Variants in CHIT1 observed in about 807,000 individuals in gnomAD.
CHIT1 encodes chitinase 1.
In CHIT1, 47 loss-of-function variants were observed where a neutral mutation model predicts 52.0. The ratio of observed to expected loss-of-function variants is 0.90; its 90% CI spans 0.71 to 1.15. The LOEUF (loss-of-function observed/expected upper bound fraction) is 1.15, where lower values mean the gene tolerates loss of function less well. CHIT1 is among the 50% of genes most tolerant of loss of function. The pLI, the probability that CHIT1 is intolerant of heterozygous loss-of-function variation, is 0.00. For missense variants in CHIT1, 569 were observed against 583.0 expected (o/e 0.98, Z 0.25); for synonymous variants, 242 against 228.2 (o/e 1.06, Z -0.54).
rs140728916 is a variant in CHIT1 at position 203,216,609 on chromosome 1, C to A, written c.*280G>T. ...CACCTTCCCACCTGGCTCTGACCTG[C>A]GGATGTTTTGGAGTCAACAGTGTGC... is the stretch of plus-strand genomic sequence containing the variant. On this transcript the variant is annotated 3_prime_UTR_variant, in exon 11 of 11. Coordinates refer to ENST00000367229, the MANE Select transcript of CHIT1 (RefSeq NM_003465.3). 65 of 521,614 alleles carry A rather than the reference C, an allele frequency of 1.2e-4. 1 individual carries two copies. The highest frequency in any genetic ancestry group is 2.1e-4 in the Non-Finnish European group (57 of 271,666). The allele number at this position is 521,614 out of a possible 1,614,324, so 32.3% of individuals were successfully genotyped here.
Position 203,219,533 on chromosome 1 carries a change from G to A in CHIT1, c.915+131C>T, listed in dbSNP as rs894555289. 4.3e-6 allele frequency: 5 copies of A among 1,172,188 alleles called. No individual in the cohort carries two copies. In the African/African-American group the frequency reaches 6.0e-5, roughly 14 times the overall value. The allele number at this position is 1,172,188 out of a possible 1,614,324, so 72.6% of individuals were successfully genotyped here. On this transcript the variant is annotated intron_variant, in intron 8 of 10. Transcript: ENST00000367229. ...GATAAATTCAAGATGGCATGGATGAGATGGAATTTACATGGCCAGAATTCT... is the reference window on the plus strand; with the variant it reads ...GATAAATTCAAGATGGCATGGATGAAATGGAATTTACATGGCCAGAATTCT...
Position 203,223,581 on chromosome 1 carries a change from A to G in CHIT1, c.394T>C (p.Phe132Leu). The change falls in exon 5 of 11, where the codon TTT becomes CTT. Residue 132 changes from phenylalanine (F) to leucine (L), a missense_variant. Phe to Leu is a conservative substitution (Grantham distance 22, BLOSUM62 0). Coordinates refer to ENST00000367229, the MANE Select transcript of CHIT1 (RefSeq NM_003465.3). ...SAIRFLRKYS[F>L]DGLDLDWEYP... ...TCCCAGTCAAGGTCAAGGCCGTCAAAGCTGTATTTGCGCAGAAACCTGATG... is the reference window on the plus strand; with the variant it reads ...TCCCAGTCAAGGTCAAGGCCGTCAAGGCTGTATTTGCGCAGAAACCTGATG... The G allele has an allele frequency of 1.2e-6, 2 of 1,614,208 alleles. No homozygotes were observed. Among genetic ancestry groups the G allele is most frequent in the Non-Finnish European group, 1.7e-6 (2 of 1,180,024 alleles).
chr1:203,221,007 C>T (rs1274850189), intron 7 of CHIT1, among the ~76,000 whole-genome samples: 1 of 152,220 alleles, frequency 6.6e-6, no homozygotes, highest in Non-Finnish European at 1.5e-5. Flanking sequence ...TGTGTCTCCC[C>T]ACCAGCACAG....
intron 2 of CHIT1, among the ~76,000 whole-genome samples, chr1:203,226,430 T>A (rs1457564976): frequency 2.6e-5 from 4 of 152,206 alleles, no homozygotes; most frequent in African/African-American, 9.7e-5. Context: ...GGCAGAACTT[T>A]CAAAAACGGT....
In CHIT1 at chr1:203,223,660, C is replaced by A. The variant is rs770734733; in HGVS notation, c.315G>T (p.Lys105Asn). ...TGGCCGTGGCTACCATATCTGTGAA[C>A]CTGTGAGGTGATGAAGGGGAGTAAG... is the stretch of plus-strand genomic sequence containing the variant. ...AIGGWNFGTQKFTDMVATANN... is the reference protein window; with the variant it reads ...AIGGWNFGTQNFTDMVATANN... Residue 105 changes from lysine to asparagine, a missense_variant and splice_region_variant, in exon 5 of 11, where the codon AAG becomes AAT. Lys to Asn is a moderately conservative substitution (Grantham distance 94). Coordinates refer to ENST00000367229, the MANE Select transcript of CHIT1 (RefSeq NM_003465.3). The A allele has an allele frequency of 3.1e-6, 5 of 1,614,168 alleles. No individual in the cohort carries two copies. The South Asian group carries it at 3.3e-5, about 11-fold the overall frequency.
At position 203,219,266 on chromosome 1, in the gene CHIT1, G is replaced by A. The variant is rs746089762; in HGVS notation, c.979C>T (p.Arg327Trp). The A allele has an allele frequency of 8.7e-6, 14 of 1,603,372 alleles. No individual in the cohort carries two copies. Among genetic ancestry groups the A allele is most frequent in the South Asian group, 2.2e-5 (2 of 90,846 alleles). Residue 327 changes from arginine to tryptophan, a missense_variant, in exon 9 of 11, where the codon CGG becomes TGG. By Grantham distance (101) the Arg-to-Trp change is moderately radical. Coordinates refer to ENST00000367229, the MANE Select transcript of CHIT1 (RefSeq NM_003465.3). ...IQDQKVPYIF[R>W]DNQWVGFDDV... is the part of the protein sequence containing the mutation. Reference sequence around the variant, plus strand: ...TCAAAGCCCACCCACTGGTTGTCCCGGAAGATGTAGGGCACCTTCTGATCC... The same window carrying A: ...TCAAAGCCCACCCACTGGTTGTCCCAGAAGATGTAGGGCACCTTCTGATCC...
Position 203,229,630 on chromosome 1 carries a change from G to A in CHIT1, c.7C>T (p.Arg3Trp), listed in dbSNP as rs199867760. MV[R>W]SVAWAGFMVL... Reference sequence around the variant, plus strand: ...GGCTCACCTGCCCAGGCCACAGACCGCACCATGATGCAGCTCAGCGGCAGG... The same window carrying A: ...GGCTCACCTGCCCAGGCCACAGACCACACCATGATGCAGCTCAGCGGCAGG... The change falls in exon 1 of 11, where the codon CGG becomes TGG. Residue 3 changes from arginine (R) to tryptophan (W), a missense_variant. Arg to Trp is a moderately radical substitution (Grantham distance 101). Transcript: ENST00000367229. 3.2e-5 allele frequency: 51 copies of A among 1,613,880 alleles called. No homozygotes were observed. The highest frequency in any genetic ancestry group is 9.3e-5 in the African/African-American group (7 of 74,880).
rs78739067 is a variant in CHIT1, at chr1:203,216,804, C to T, written c.*85G>A. The T allele has an allele frequency of 1.5e-3, 2,301 of 1,576,016 alleles. 31 individuals are homozygous for T. In the East Asian group the frequency reaches 0.027, roughly 19 times the overall value. On this transcript the variant is annotated 3_prime_UTR_variant, in exon 11 of 11. Coordinates refer to ENST00000367229, the MANE Select transcript of CHIT1 (RefSeq NM_003465.3). ...AGAAAGGCCTGCAGGAGCCAGATTG[C>T]GGCCCCCAGGGAAAACCCAGGAGGC...
rs1017588576 is a variant in CHIT1 at position 203,219,591 on chromosome 1, G to A, written c.915+73C>T. On this transcript the variant is annotated intron_variant, in intron 8 of 10. Coordinates refer to ENST00000367229, the MANE Select transcript of CHIT1 (RefSeq NM_003465.3). ...TGGCATCCTTACTCAGAAACGGTGG[G>A]AGAAGGAAACCTCTGTTCTCTCAGG... is the stretch of plus-strand genomic sequence containing the variant. 64 of 1,545,652 alleles carry A rather than the reference G, an allele frequency of 4.1e-5. No individual in the cohort carries two copies. The Admixed American group carries it at 8.5e-4, about 21-fold the overall frequency.
chr1:203,223,592 C>T lies in CHIT1; in HGVS notation c.383G>A (p.Arg128His), dbSNP rs772756608. The change falls in exon 5 of 11, where the codon CGC becomes CAC. Residue 128 changes from arginine (R) to histidine (H), a missense_variant. Physicochemically the swap from Arg to His is conservative, Grantham distance 29. Transcript: ENST00000367229. The stretch of plus-strand genomic sequence containing the variant: ...GTCAAGGCCGTCAAAGCTGTATTTG[C>T]GCAGAAACCTGATGGCCGAGTTGAC... ...TFVNSAIRFL[R>H]KYSFDGLDLD... The T allele has an allele frequency of 3.8e-5, 62 of 1,614,184 alleles. 1 individual carries two copies. The highest frequency in any genetic ancestry group is 2.7e-4 in the East Asian group (12 of 44,886).
intron 2 of CHIT1, 59 bp from the exon 3 acceptor site, chr1:203,225,929 C>A (rs962762710): frequency 1.3e-6 from 2 of 1,569,296 alleles, no homozygotes; most frequent in South Asian, 2.3e-5. Context: ...GGGGACTGGT[C>A]ACCCTCCATC....
Position 203,219,861 on chromosome 1 carries a change from G to T in CHIT1, c.730-12C>A. On this transcript the variant is annotated splice_polypyrimidine_tract_variant and intron_variant, in intron 7 of 10. Transcript: ENST00000367229. The stretch of plus-strand genomic sequence containing the variant: ...TGCACAGCAGCATCCTGGTGGAAGA[G>T]GGCAGGGTTAATTTTCTCAGCCCTC... 1 of 1,611,826 alleles carries T rather than the reference G, an allele frequency of 6.2e-7. No homozygotes were observed. Among genetic ancestry groups the T allele is most frequent in the Non-Finnish European group, 8.5e-7 (1 of 1,179,796 alleles).
At chr1:203,229,766 G>GGC, upstream of CHIT1, 5 of 1,014,064 alleles carry the variant, frequency 4.9e-6, no homozygotes, top group Non-Finnish European at 6.1e-6. Context: ...GGGGGGATGG[G>GGC]AGCAGGGTGG....
intron 6 of CHIT1, 135 bp downstream of exon 6, chr1:203,223,000 T>G: frequency 8.2e-7 from 1 of 1,219,958 alleles, no homozygotes; most frequent in Non-Finnish European, 1.2e-6. Flanking sequence ...TTTTCTGCTT[T>G]TGTTCTGGTG....
chr1:203,228,967 A>G (rs943522441), intron 1 of CHIT1, among the ~76,000 whole-genome samples: 1 of 152,072 alleles, frequency 6.6e-6, no homozygotes, highest in Non-Finnish European at 1.5e-5. Flanking sequence ...GCATGGAGAG[A>G]GTTCATCTCC....
chr1:203,224,187 G>A (rs1010672969), intron 4 of CHIT1, among the ~76,000 whole-genome samples: 1 of 152,084 alleles, frequency 6.6e-6, no homozygotes, highest in Non-Finnish European at 1.5e-5. Flanking sequence ...CACACCCGTA[G>A]AGCGCTTTGT....
At position 203,222,199 on chromosome 1, in the gene CHIT1, T is replaced by C. The variant is rs1656762742; in HGVS notation, c.729+3A>G. On this transcript the variant is annotated splice_donor_region_variant and intron_variant, in intron 7 of 10. Coordinates refer to ENST00000367229, the MANE Select transcript of CHIT1 (RefSeq NM_003465.3). ...CCTGCCTCAGCCCTCCTGCCACACG[T>C]ACCACGTTGAGGCTGGCTGCTGCAC... 2 of 1,613,968 alleles carry C rather than the reference T, an allele frequency of 1.2e-6. No individual in the cohort carries two copies. Among genetic ancestry groups the C allele is most frequent in the African/African-American group, 2.7e-5 (2 of 75,058 alleles).
At chr1:203,226,369 T>A (rs1224025731) in intron 2 of CHIT1, among the ~76,000 whole-genome samples, 2 of 152,088 alleles carry the variant, frequency 1.3e-5, no homozygotes. Context: ...AGCCCCAACA[T>A]GAGGCCTAGA....
At chr1:203,222,006 A>C (rs1656754286) in intron 7 of CHIT1, among the ~76,000 whole-genome samples, 196 bp downstream of exon 7, 1 of 152,238 alleles carries the variant, frequency 6.6e-6, no homozygotes, top group African/African-American at 2.4e-5. Context: ...GATGCTCCAC[A>C]GAAGTGAGGT....
Sources: allele counts gnomAD v4.1 joint callset (sites outside exome capture counted in the v4.1 genomes callset), GRCh38; gene constraint gnomAD v4.1.1; transcripts MANE v1.5; gene names NCBI Gene and HGNC (gene_info 2026-07-23, HGNC 2026-07-21).